Variants in POLN observed in about 807,000 individuals in gnomAD.
POLN encodes the protein DNA polymerase N.
In POLN, 108 loss-of-function variants were observed where a neutral mutation model predicts 113.5. That is an observed-to-expected ratio of 0.95 (90% CI 0.81 to 1.12). The LOEUF (loss-of-function observed/expected upper bound fraction) is 1.12, where lower values mean the gene tolerates loss of function less well. Among genes scored for constraint, POLN ranks in the 50% most tolerant of loss-of-function variants. POLN has a pLI of 0.00. For missense variants in POLN, 1,097 were observed against 1,077.1 expected (o/e 1.02, Z -0.26); for synonymous variants, 386 against 391.5 (o/e 0.99, Z 0.17).
chr4:2,103,302 G>A (rs975663231), intron 19 of POLN, among the ~76,000 whole-genome samples: 1 of 151,974 alleles, frequency 6.6e-6, no homozygotes, highest in African/African-American at 2.4e-5. Context: ...AAAATTCATT[G>A]AAAGGAATGT....
chr4:2,198,102 T>A (rs1206984837), intron 6 of POLN, among the ~76,000 whole-genome samples: 1 of 152,236 alleles, frequency 6.6e-6, no homozygotes, highest in East Asian at 1.9e-4. Flanking sequence ...GCTTTGAAAC[T>A]AGTCCCATCC....
chr4:2,229,424 C>T (rs749138515), intron 2 of POLN, 181 bp from the exon 3 acceptor site: 53 of 475,092 alleles, frequency 1.1e-4, no homozygotes, highest in Non-Finnish European at 1.8e-4. Flanking sequence ...AGCAAAATAG[C>T]TAGAGGCTTA....
At chr4:2,138,677 G>A (rs936090195) in intron 16 of POLN, among the ~76,000 whole-genome samples, 13 of 152,090 alleles carry the variant, frequency 8.5e-5, no homozygotes, top group African/African-American at 2.7e-4. Context: ...TGAGGTGGGC[G>A]GATCATTTGA....
chr4:2,240,665 C>T (rs776498991), intron 2 of POLN: 1 of 1,613,906 alleles, frequency 6.2e-7, no homozygotes, highest in Non-Finnish European at 8.5e-7. Context: ...CTTTATCATC[C>T]AGTCTAGGTG....
intron 16 of POLN, among the ~76,000 whole-genome samples, chr4:2,153,551 T>G (rs1271504821): frequency 1.3e-5 from 2 of 152,152 alleles, no homozygotes; most frequent in Non-Finnish European, 2.9e-5. Context: ...TTTTATCTAT[T>G]GTTTGAATTC....
intron 6 of POLN, among the ~76,000 whole-genome samples, chr4:2,197,900 G>A (rs1733621458): frequency 6.6e-6 from 1 of 152,204 alleles, no homozygotes; most frequent in African/African-American, 2.4e-5. Context: ...TCCATTTGAG[G>A]CAGAAGCCCA....
chr4:2,072,369 G>A (rs1226269974), intron 25 of POLN, 70 bp from the exon 26 acceptor site: 5 of 1,360,460 alleles, frequency 3.7e-6, no homozygotes, highest in Middle Eastern at 2.6e-4. Flanking sequence ...CAGACCCCAA[G>A]CAGGGGGACA....
Position 2,081,643 on chromosome 4 carries a change from G to T in POLN, c.2298C>A (p.Phe766Leu), listed in dbSNP as rs761010713. The T allele has an allele frequency of 6.2e-7, 1 of 1,614,208 alleles. No homozygotes were observed. Among genetic ancestry groups the T allele is most frequent in the Non-Finnish European group, 8.5e-7 (1 of 1,180,026 alleles). Residue 766 changes from phenylalanine to leucine, a missense_variant, in exon 22 of 26, where the codon TTC (phenylalanine) becomes TTA (leucine). By Grantham distance (22) the Phe-to-Leu change is conservative. Coordinates refer to ENST00000511885, the MANE Select transcript of POLN (RefSeq NM_181808.4). Reference protein sequence around the residue: ...RAQAERQAVNFVVQGSAADLC... With the variant: ...RAQAERQAVNLVVQGSAADLC... ...AGAGGCTTCTGGTACCTTGCACCAC[G>T]AAGTTCACTGCCTGTCGCTCTGCTT... is the stretch of plus-strand genomic sequence containing the variant.
chr4:2,085,458 A>G (rs899797657), intron 21 of POLN, among the ~76,000 whole-genome samples, 155 bp downstream of exon 21: 7 of 152,056 alleles, frequency 4.6e-5, no homozygotes, highest in Admixed American at 1.3e-4. Flanking sequence ...TGGAACCTTC[A>G]GCCTTATTTG....
At chr4:2,114,396 C>G (rs537249005) in intron 19 of POLN, among the ~76,000 whole-genome samples, 1 of 152,170 alleles carries the variant, frequency 6.6e-6, no homozygotes, top group Non-Finnish European at 1.5e-5. Flanking sequence ...TGAAGAACCT[C>G]TTTTACCATT....
At chr4:2,233,422 G>A (rs747674901) in intron 2 of POLN, among the ~76,000 whole-genome samples, 14 of 146,550 alleles carry the variant, frequency 9.6e-5, no homozygotes, top group Admixed American at 4.0e-4. Flanking sequence ...CCATATTTTA[G>A]TGATTCTTGG....
chr4:2,165,824 T>C (rs1300682308), intron 13 of POLN, among the ~76,000 whole-genome samples: 2 of 152,130 alleles, frequency 1.3e-5, no homozygotes, highest in Admixed American at 6.5e-5. Flanking sequence ...TTGCACAGAA[T>C]GGAGGGCAGT....
At position 2,235,988 on chromosome 4, in the gene POLN, C is replaced by T. The variant is rs183078450; in HGVS notation, c.-13+5532G>A. On this transcript the variant is annotated intron_variant, in intron 2 of 25. Transcript: ENST00000511885. ...ATTTATTTTTTAACACTAGTATAAA[C>T]ATTACATATTCTTTTGTGTCTGAAA... Among the ~76,000 whole-genome samples, 28 of 151,894 alleles carry T rather than the reference C, an allele frequency of 1.8e-4. No individual in the cohort carries two copies. In the East Asian group the frequency reaches 5.0e-3, roughly 27 times the overall value.
chr4:2,144,026 AATATC>A (rs1732070850), intron 16 of POLN, among the ~76,000 whole-genome samples: 1 of 152,138 alleles, frequency 6.6e-6, no homozygotes, highest in Non-Finnish European at 1.5e-5. Flanking sequence ...TTGTCTTCAA[AATATC>A]ATATATTTTA....
intron 16 of POLN, among the ~76,000 whole-genome samples, chr4:2,135,750 G>A (rs1053725271): frequency 2.0e-5 from 3 of 152,218 alleles, no homozygotes; most frequent in African/African-American, 7.2e-5. Context: ...CTGGGGGTGT[G>A]GATGAAAGCG....
chr4:2,113,049 T>C (rs966000654), intron 19 of POLN, among the ~76,000 whole-genome samples: 3 of 152,020 alleles, frequency 2.0e-5, no homozygotes, highest in Non-Finnish European at 2.9e-5. Context: ...TGGAATACTA[T>C]GCAGCCGTAA....
At chr4:2,092,215 TG>T (rs1730684476) in intron 20 of POLN, among the ~76,000 whole-genome samples, 1 of 152,108 alleles carries the variant, frequency 6.6e-6, no homozygotes, top group Non-Finnish European at 1.5e-5. Flanking sequence ...CCAGGCGGTG[TG>T]CCCTCAGCAC....
intron 4 of POLN, among the ~76,000 whole-genome samples, chr4:2,211,705 A>C (rs1260526209): frequency 6.6e-6 from 1 of 151,940 alleles, no homozygotes; most frequent in Non-Finnish European, 1.5e-5. Context: ...TGAGTCCAGG[A>C]CTCAATTAAT....
At chr4:2,080,683 G>A in intron 23 of POLN, 3 of 1,350,800 alleles carry the variant, frequency 2.2e-6, no homozygotes, top group Non-Finnish European at 2.9e-6. Flanking sequence ...GGGTGCCCCT[G>A]TGCTGTGCAG....
Sources: allele counts gnomAD v4.1 joint callset (sites outside exome capture counted in the v4.1 genomes callset), GRCh38; gene constraint gnomAD v4.1.1; transcripts MANE v1.5; gene names NCBI Gene and HGNC (gene_info 2026-07-23, HGNC 2026-07-21).